PDZD2: variants seen among roughly 807,000 people sequenced by gnomAD.
PDZD2 encodes PDZ domain containing 2.
In PDZD2, 90 loss-of-function variants were observed where a neutral mutation model predicts 220.7. The observed-to-expected ratio is 0.41, with a 90% CI of 0.34 to 0.49. PDZD2 has a LOEUF of 0.49. Ranked by LOEUF, PDZD2 falls within the 20% of genes least tolerant of loss-of-function variation. PDZD2 has a pLI of 0.28. For synonymous variants in PDZD2, 1,375 were observed against 1,450.5 expected (o/e 0.95, Z 1.18); for missense variants, 3,174 against 3,608.5 (o/e 0.88, Z 3.08).
intron 2 of PDZD2, among the ~76,000 whole-genome samples, chr5:31,806,931 G>GTTTTTTT (rs397882682): frequency 1.6e-5 from 2 of 127,526 alleles, no homozygotes; most frequent in African/African-American, 5.7e-5. Context: ...GGGCGTCTTT[G>GTTTTTTT]TTTTTTTTTT....
At chr5:32,049,841 G>T (rs761036090) in intron 8 of PDZD2, among the ~76,000 whole-genome samples, 2 of 152,176 alleles carry the variant, frequency 1.3e-5, no homozygotes, top group Non-Finnish European at 2.9e-5. Flanking sequence ...AGTCAAACTT[G>T]TCCAGGCCCA....
chr5:31,800,183 A>G (rs904748175), intron 2 of PDZD2, among the ~76,000 whole-genome samples: 1 of 152,142 alleles, frequency 6.6e-6, no homozygotes, highest in Non-Finnish European at 1.5e-5. Context: ...ATTAACTAGG[A>G]CTCACAAACT....
intron 2 of PDZD2, among the ~76,000 whole-genome samples, chr5:31,916,298 T>G (rs1743672708): frequency 6.6e-6 from 1 of 152,238 alleles, no homozygotes; most frequent in Admixed American, 6.5e-5. Context: ...CAGTTGGCTG[T>G]ATCCAAGGGT....
At position 32,022,360 on chromosome 5, in the gene PDZD2, G is replaced by C. The variant is rs558011473; in HGVS notation, c.1407+11878G>C. ...CTACAGGCGCACACCGCCACTCACA[G>C]CTAATTTTTTTTTTTTTTTGTATTT... is the stretch of plus-strand genomic sequence containing the variant. On this transcript the variant is annotated intron_variant, in intron 6 of 24. Coordinates refer to ENST00000438447, the MANE Select transcript of PDZD2 (RefSeq NM_178140.4). Among the ~76,000 whole-genome samples the C allele has an allele frequency of 2.9e-3, 311 of 106,914 alleles. 2 individuals are homozygous for C. The highest frequency in any genetic ancestry group is 9.7e-3 in the African/African-American group (288 of 29,542). 70.1% of individuals were successfully genotyped at this position (106,914 alleles called of 152,430 possible).
chr5:32,014,103 G>A (rs548128462), intron 6 of PDZD2, among the ~76,000 whole-genome samples: 2 of 152,236 alleles, frequency 1.3e-5, no homozygotes, highest in Admixed American at 6.5e-5. Flanking sequence ...TTGTTTCAGC[G>A]TTTTTAAAAA....
At chr5:31,764,874 C>T (rs149263323) in intron 1 of PDZD2, among the ~76,000 whole-genome samples, 3 of 152,208 alleles carry the variant, frequency 2.0e-5, no homozygotes, top group East Asian at 1.9e-4. Flanking sequence ...GTCAGGAGTT[C>T]GAGACCGGCC....
intron 1 of PDZD2, among the ~76,000 whole-genome samples, chr5:31,643,165 AGT>A (rs1745012413): frequency 6.6e-6 from 1 of 152,328 alleles, no homozygotes; most frequent in East Asian, 1.9e-4. Context: ...CCTTTCGAAC[AGT>A]GTGTCCAGAA....
At chr5:31,737,407 C>T (rs1479652756) in intron 1 of PDZD2, among the ~76,000 whole-genome samples, 2 of 151,966 alleles carry the variant, frequency 1.3e-5, no homozygotes, top group Non-Finnish European at 1.5e-5. Flanking sequence ...CTCCTGACCT[C>T]GTGATCCGCC....
In PDZD2 at chr5:32,109,379, C is replaced by T. The variant is rs565517494; in HGVS notation, c.*1244C>T. 1.5e-4 allele frequency: 23 copies of T among 152,318 alleles called. No individual in the cohort carries two copies. Among genetic ancestry groups the T allele is most frequent in the African/African-American group, 5.3e-4 (22 of 41,572 alleles). The allele number at this position is 152,318 out of a possible 1,614,324, so 9.4% of individuals were successfully genotyped here. On this transcript the variant is annotated 3_prime_UTR_variant, in exon 25 of 25. Coordinates refer to ENST00000438447, the MANE Select transcript of PDZD2 (RefSeq NM_178140.4). ...AAAATGTTTTCCTACAGAAGACTGT[C>T]GTGACTCACGCTACTTGGGAAACTC...
At chr5:31,956,631 T>C (rs1196549871) in intron 2 of PDZD2, among the ~76,000 whole-genome samples, 1 of 148,434 alleles carries the variant, frequency 6.7e-6, no homozygotes, top group Non-Finnish European at 1.5e-5. Flanking sequence ...TGGTGGCACA[T>C]GCCTGTAGTC....
At chr5:32,043,607 G>A (rs1413611297) in intron 7 of PDZD2, among the ~76,000 whole-genome samples, 1 of 152,236 alleles carries the variant, frequency 6.6e-6, no homozygotes, top group Non-Finnish European at 1.5e-5. Context: ...GGCTGCCACT[G>A]TTATTACCAC....
At chr5:31,961,010 C>T (rs1748173051) in intron 2 of PDZD2, among the ~76,000 whole-genome samples, 2 of 152,152 alleles carry the variant, frequency 1.3e-5, no homozygotes, top group South Asian at 4.1e-4. Context: ...GAACCATATT[C>T]TCTTTATAAC....
At position 32,074,063 on chromosome 5, in the gene PDZD2, C is replaced by A. The variant is rs1333621056; in HGVS notation, c.2957C>A (p.Pro986Gln). ...FDREGDCISL[P>Q]GALPGPIRPL... ...AGAGAAGGGGACTGCATTTCACTCC[C>A]AGGGGCCCTCCCGGGTCCCATCAGG... Residue 986 changes from proline to glutamine, a missense_variant, in exon 18 of 25, where the codon CCA (proline) becomes CAA (glutamine). Physicochemically the swap from Pro to Gln is moderately conservative, Grantham distance 76. Around this residue, in one of 4 missense-constraint regions of PDZD2, gnomAD observed 1,861 missense variants for 2,001.0 expected, o/e 0.93. Transcript: ENST00000438447. 3 of 1,613,942 alleles carry A rather than the reference C, an allele frequency of 1.9e-6. No individual in the cohort carries two copies. The highest frequency in any genetic ancestry group is 2.5e-6 in the Non-Finnish European group (3 of 1,179,932).
At chr5:31,644,685 C>G (rs989678125) in intron 1 of PDZD2, among the ~76,000 whole-genome samples, 1 of 152,202 alleles carries the variant, frequency 6.6e-6, no homozygotes, top group African/African-American at 2.4e-5. Flanking sequence ...AGTCTCCATT[C>G]TGAAAGTTCT....
chr5:32,051,797 C>T (rs118073995), intron 8 of PDZD2, among the ~76,000 whole-genome samples: 16 of 152,202 alleles, frequency 1.1e-4, no homozygotes, highest in African/African-American at 2.2e-4. Context: ...CGTCTCTCAG[C>T]GGGATGTTTT....
At chr5:32,068,811 G>C (rs1007314019) in intron 14 of PDZD2, among the ~76,000 whole-genome samples, 8 of 150,736 alleles carry the variant, frequency 5.3e-5, no homozygotes, top group African/African-American at 1.2e-4. Context: ...ACTCACAAAT[G>C]GTTTAGCAAA....
At chr5:31,672,995 T>C (rs1170917034) in intron 1 of PDZD2, among the ~76,000 whole-genome samples, 7 of 152,224 alleles carry the variant, frequency 4.6e-5, no homozygotes, top group Non-Finnish European at 1.0e-4. Flanking sequence ...GGAAACATTC[T>C]TAGGAGACCT....
chr5:32,101,384 G>C, intron 24 of PDZD2, 145 bp downstream of exon 24: 1 of 766,840 alleles, frequency 1.3e-6, no homozygotes, highest in Non-Finnish European at 2.1e-6. Context: ...ATTCTGTATG[G>C]ACATGTATTA....
chr5:31,645,840 C>A (rs1277073451), intron 1 of PDZD2, among the ~76,000 whole-genome samples: 1 of 152,038 alleles, frequency 6.6e-6, no homozygotes, highest in African/African-American at 2.4e-5. Context: ...CTGTGGCTAC[C>A]CCAAAGTCAA....
Sources: allele counts gnomAD v4.1 joint callset (sites outside exome capture counted in the v4.1 genomes callset), GRCh38; gene constraint gnomAD v4.1.1; regional missense constraint gnomAD v4.1.1; transcripts MANE v1.5; gene names NCBI Gene and HGNC (gene_info 2026-07-23, HGNC 2026-07-21).